LRRN2: variants seen among roughly 807,000 people sequenced by gnomAD.
LRRN2 encodes the protein leucine-rich repeat neuronal protein 2.
A neutral mutation model predicts 35.7 loss-of-function variants in LRRN2; 10 were observed. The observed-to-expected ratio is 0.28, with a 90% CI of 0.17 to 0.47. The LOEUF is 0.47. Ranked by LOEUF, LRRN2 falls within the 20% of genes least tolerant of loss-of-function variation. LRRN2 has a pLI of 0.99. For synonymous variants in LRRN2, 391 were observed against 409.6 expected (o/e 0.95, Z 0.55); for missense variants, 731 against 940.3 (o/e 0.78, Z 2.91).
At chr1:204,681,837 T>G (rs954388086) in intron 1 of LRRN2, among the ~76,000 whole-genome samples, 7 of 152,252 alleles carry the variant, frequency 4.6e-5, no homozygotes, top group African/African-American at 1.7e-4. Context: ...TGCTGCTGTC[T>G]TTTTTGCATA....
At chr1:204,656,071 G>A (rs901948181) in intron 1 of LRRN2, among the ~76,000 whole-genome samples, 5 of 135,992 alleles carry the variant, frequency 3.7e-5, no homozygotes, top group East Asian at 4.3e-4. Context: ...CACCACGCCC[G>A]GCTAATTTTT....
At chr1:204,646,885 C>G (rs1668118148) in intron 1 of LRRN2, among the ~76,000 whole-genome samples, 1 of 152,218 alleles carries the variant, frequency 6.6e-6, no homozygotes, top group African/African-American at 2.4e-5. Context: ...AATCCCACCT[C>G]CACCACTTGC....
At chr1:204,671,991 C>A (rs1012087831) in intron 1 of LRRN2, among the ~76,000 whole-genome samples, 1 of 152,206 alleles carries the variant, frequency 6.6e-6, no homozygotes, top group South Asian at 2.1e-4. Flanking sequence ...GGATGATGGA[C>A]AGACATACAG....
chr1:204,667,013 A>G (rs139839681), intron 1 of LRRN2, among the ~76,000 whole-genome samples: 26 of 151,616 alleles, frequency 1.7e-4, no homozygotes, highest in Middle Eastern at 3.4e-3. Context: ...TACAGACTCA[A>G]TGTTCCCATT....
intron 1 of LRRN2, among the ~76,000 whole-genome samples, chr1:204,677,763 T>C (rs1450536745): frequency 6.6e-6 from 1 of 151,920 alleles, no homozygotes; most frequent in African/African-American, 2.4e-5. Flanking sequence ...AGATCAGAGA[T>C]CATCTGGTCT....
chr1:204,662,128 G>A (rs1668485017), intron 1 of LRRN2, among the ~76,000 whole-genome samples: 2 of 152,212 alleles, frequency 1.3e-5, no homozygotes, highest in South Asian at 2.1e-4. Flanking sequence ...CAGGAAGAAG[G>A]AACCCAAGAC....
At chr1:204,634,388 A>G (rs10751425) in intron 1 of LRRN2, among the ~76,000 whole-genome samples, 73,109 of 152,114 alleles carry the variant, frequency 0.48, 17,894 homozygotes, top group Admixed American at 0.54. Context: ...AGGGACTGTT[A>G]TGGGTTGAAG....
rs950866738 is a variant in LRRN2 at position 204,620,169 on chromosome 1, C to G, written c.-177G>C. On this transcript the variant is annotated 5_prime_UTR_variant, in exon 2 of 2. Transcript: ENST00000367177. ...CTCAATATGCCTTCTCTTCCTTGTC[C>G]TCTGGGGCTGGGCCTGCTCAGTCAT... is the stretch of plus-strand genomic sequence containing the variant. 2.1e-6 allele frequency: 3 copies of G among 1,450,156 alleles called. No individual in the cohort carries two copies. The African/African-American group carries it at 4.3e-5, about 21-fold the overall frequency. The allele number at this position is 1,450,156 out of a possible 1,614,324, so 89.8% of individuals were successfully genotyped here. A position where few individuals can be genotyped will look rare whatever the true frequency, so the allele number is the denominator to read the frequency against.
chr1:204,660,348 T>C (rs1668445143), intron 1 of LRRN2, among the ~76,000 whole-genome samples: 1 of 152,212 alleles, frequency 6.6e-6, no homozygotes, highest in African/African-American at 2.4e-5. Context: ...ACTTTCTTTC[T>C]TTTCCTCCTC....
In LRRN2 at chr1:204,685,324, T is replaced by C. The variant is rs1214055682; in HGVS notation, c.-231A>G. On this transcript the variant is annotated 5_prime_UTR_variant, in exon 1 of 2. Coordinates refer to ENST00000367177, the MANE Select transcript of LRRN2 (RefSeq NM_201630.2). ...GCCCCGAAGCTGCACACTCACCCCG[T>C]GGGCGCCGGGCACCGTCTGCCGTCT... 6.6e-6 allele frequency: 1 copy of C among 151,788 alleles called. No homozygotes were observed. Among genetic ancestry groups the C allele is most frequent in the Non-Finnish European group, 1.5e-5 (1 of 67,926 alleles). The allele number at this position is 151,788 out of a possible 1,614,324, so 9.4% of individuals were successfully genotyped here. A position where few individuals can be genotyped will look rare whatever the true frequency, so the allele number is the denominator to read the frequency against.
chr1:204,650,138 G>C (rs1202606961), intron 1 of LRRN2, among the ~76,000 whole-genome samples: 1 of 152,348 alleles, frequency 6.6e-6, no homozygotes, highest in Middle Eastern at 3.4e-3. Context: ...TGCAAGGGGG[G>C]CAGCTGAGGG....
chr1:204,641,026 AT>A, intron 1 of LRRN2, among the ~76,000 whole-genome samples: 1 of 152,098 alleles, frequency 6.6e-6, no homozygotes, highest in East Asian at 1.9e-4. Context: ...AACAAAAAAC[AT>A]CCTGACAAAT....
At chr1:204,684,944 C>T (rs971426898) in intron 1 of LRRN2, among the ~76,000 whole-genome samples, 3 of 152,200 alleles carry the variant, frequency 2.0e-5, no homozygotes, top group Non-Finnish European at 4.4e-5. Context: ...TCGGCTCCTC[C>T]ACATCTCCAG....
At chr1:204,631,047 T>C (rs1224084245) in intron 1 of LRRN2, among the ~76,000 whole-genome samples, 3 of 151,304 alleles carry the variant, frequency 2.0e-5, no homozygotes, top group African/African-American at 4.9e-5. Flanking sequence ...GGAAACTTGC[T>C]AGAAGTGCGA....
intron 1 of LRRN2, among the ~76,000 whole-genome samples, chr1:204,645,736 C>T (rs1303215530): frequency 6.6e-6 from 1 of 152,102 alleles, no homozygotes; most frequent in Non-Finnish European, 1.5e-5. Context: ...ACAATCATGG[C>T]AGAAGGAAAA....
chr1:204,665,675 A>G (rs1668563258), intron 1 of LRRN2, among the ~76,000 whole-genome samples: 1 of 152,152 alleles, frequency 6.6e-6, no homozygotes, highest in Admixed American at 6.5e-5. Context: ...TTGTCACCTC[A>G]CTTTTCAAAG....
At chr1:204,639,013 T>C (rs905823295) in intron 1 of LRRN2, among the ~76,000 whole-genome samples, 1 of 152,240 alleles carries the variant, frequency 6.6e-6, no homozygotes, top group African/African-American at 2.4e-5. Flanking sequence ...TTTGAAAGTC[T>C]TTCCCCTGTG....
intron 1 of LRRN2, among the ~76,000 whole-genome samples, chr1:204,632,902 C>A (rs1290086134): frequency 6.6e-6 from 1 of 151,510 alleles, no homozygotes; most frequent in Non-Finnish European, 1.5e-5. Flanking sequence ...TCACTGCACT[C>A]CAGCCTGGGC....
At chr1:204,632,235 A>G (rs148659817) in intron 1 of LRRN2, among the ~76,000 whole-genome samples, 1 of 152,330 alleles carries the variant, frequency 6.6e-6, no homozygotes, top group African/African-American at 2.4e-5. Context: ...CCCTGTCTCT[A>G]ACAATAAAAG....
Sources: allele counts gnomAD v4.1 joint callset (sites outside exome capture counted in the v4.1 genomes callset), GRCh38; gene constraint gnomAD v4.1.1; transcripts MANE v1.5; gene names NCBI Gene and HGNC (gene_info 2026-07-23, HGNC 2026-07-21).